The following TMEM67 variants were observed in gnomAD, a reference collection of about 807,000 sequenced individuals.
The protein encoded by TMEM67 is meckelin.
TMEM67 carries 124 observed loss-of-function variants against 136.6 expected under a neutral mutation model. The ratio of observed to expected loss-of-function variants is 0.91; its 90% CI spans 0.78 to 1.05. The LOEUF (loss-of-function observed/expected upper bound fraction) is 1.05. Ranked by LOEUF, TMEM67 falls within the 50% of genes least tolerant of loss-of-function variation. The pLI, the probability that TMEM67 is intolerant of heterozygous loss-of-function variation, is 0.00. For missense variants in TMEM67, 1,107 were observed against 1,178.4 expected (o/e 0.94, Z 0.89); for synonymous variants, 364 against 390.5 (o/e 0.93, Z 0.80).
At chr8:93,769,865 T>C (rs1055471235) in intron 6 of TMEM67, among the ~76,000 whole-genome samples, 22 of 152,334 alleles carry the variant, frequency 1.4e-4, no homozygotes, top group Middle Eastern at 3.4e-3. Flanking sequence ...TTCTTCCTAA[T>C]TGGAAAAGTC....
intron 25 of TMEM67, 111 bp downstream of exon 25, chr8:93,809,272 C>A (rs1808597068): frequency 4.1e-6 from 3 of 734,044 alleles, no homozygotes; most frequent in Non-Finnish European, 7.4e-6. Flanking sequence ...ACTTAGAACC[C>A]CCACCTTAAG....
rs1432702919 is a variant in TMEM67, at chr8:93,816,335, A to G, written c.2908-37A>G. 13 of 1,031,354 alleles carry G rather than the reference A, an allele frequency of 1.3e-5. No homozygotes were observed. In the East Asian group the frequency reaches 2.6e-4, roughly 21 times the overall value. The allele number at this position is 1,031,354 out of a possible 1,614,324, so 63.9% of individuals were successfully genotyped here. A position where few individuals can be genotyped will look rare whatever the true frequency, so the allele number is the denominator to read the frequency against. Reference sequence around the variant, plus strand: ...TCGACGTGCATATTTAATTCTGTTTATATTTCTTTTCATTCTGAATTGTTT... The same window carrying G: ...TCGACGTGCATATTTAATTCTGTTTGTATTTCTTTTCATTCTGAATTGTTT... On this transcript the variant is annotated intron_variant, in intron 27 of 27. Transcript: ENST00000453321.
At chr8:93,809,200 T>C (rs1181250283) in intron 25 of TMEM67, 39 bp downstream of exon 25, 1 of 1,254,124 alleles carries the variant, frequency 8.0e-7, no homozygotes, top group South Asian at 1.2e-5. Context: ...TGGGATCAAA[T>C]GCAATTTTTA....
rs73694953 is a variant in TMEM67, at chr8:93,787,967, T to C, written c.1518+18T>C. ...CTGTGAAGGTGAGTTCCTGACTTATTAGTGCCCTTGTATGTATAAATAGAG... is the reference window on the plus strand; with the variant it reads ...CTGTGAAGGTGAGTTCCTGACTTATCAGTGCCCTTGTATGTATAAATAGAG... On this transcript the variant is annotated intron_variant, in intron 14 of 27. Transcript: ENST00000453321. The C allele has an allele frequency of 3.4e-3, 5,362 of 1,555,762 alleles. 152 individuals are homozygous for C. The African/African-American group carries it at 0.062, about 18-fold the overall frequency.
chr8:93,788,047 T>G, intron 14 of TMEM67, 98 bp downstream of exon 14: 1 of 847,474 alleles, frequency 1.2e-6, no homozygotes, highest in South Asian at 1.5e-5. Context: ...TTTTTTTTTT[T>G]AAGTTCTAAA....
chr8:93,793,363 C>A, intron 16 of TMEM67, 67 bp downstream of exon 16: 1 of 1,305,372 alleles, frequency 7.7e-7, no homozygotes, highest in Non-Finnish European at 1.1e-6. Flanking sequence ...TCTCATAAGA[C>A]ACAGCTAGAG....
At chr8:93,777,665 G>C (rs1468838440) in intron 7 of TMEM67, among the ~76,000 whole-genome samples, 1 of 152,186 alleles carries the variant, frequency 6.6e-6, no homozygotes. Context: ...GTGTGGTTTT[G>C]AGTGAGTTTC....
intron 6 of TMEM67, among the ~76,000 whole-genome samples, chr8:93,770,913 G>T (rs1813299110): frequency 3.9e-5 from 6 of 151,936 alleles, no homozygotes; most frequent in Admixed American, 2.6e-4. Flanking sequence ...TACTCAGGAG[G>T]CTGAGGCAGG....
chr8:93,823,776 C>T (rs1457686760), downstream of TMEM67, among the ~76,000 whole-genome samples: 1 of 151,792 alleles, frequency 6.6e-6, no homozygotes, highest in Non-Finnish European at 1.5e-5. Context: ...AATTAAGTGC[C>T]TTATTCCATT....
intron 22 of TMEM67, 97 bp downstream of exon 22, chr8:93,803,781 G>A (rs1814975662): frequency 1.3e-6 from 1 of 769,424 alleles, no homozygotes; most frequent in Admixed American, 2.0e-5. Context: ...TGGTATGATT[G>A]AATTTTTGGG....
chr8:93,788,722 A>G (rs1314472562), intron 14 of TMEM67, among the ~76,000 whole-genome samples: 1 of 152,232 alleles, frequency 6.6e-6, no homozygotes, highest in Admixed American at 6.5e-5. Flanking sequence ...TATAACTAGT[A>G]TTGCTAACAT....
At chr8:93,801,359 T>A (rs1814861440) in intron 21 of TMEM67, among the ~76,000 whole-genome samples, 1 of 151,674 alleles carries the variant, frequency 6.6e-6, no homozygotes, top group South Asian at 2.1e-4. Context: ...CTCAGCCTCC[T>A]GATTAGCTGG....
In TMEM67 at chr8:93,818,007, G is replaced by A. The variant is rs1212485449; in HGVS notation, c.*1555G>A. On this transcript the variant is annotated 3_prime_UTR_variant, in exon 28 of 28. Transcript: ENST00000453321. The stretch of plus-strand genomic sequence containing the variant: ...TTAAGTATTAAATTTCACAATAAAG[G>A]ATCAATTGGCTTACTTGCTGATAAA... 6.6e-6 allele frequency: 1 copy of A among 152,134 alleles called. No individual in the cohort carries two copies. Among genetic ancestry groups the A allele is most frequent in the Non-Finnish European group, 1.5e-5 (1 of 68,018 alleles). 9.4% of individuals were successfully genotyped at this position (152,134 alleles called of 1,614,324 possible). A position where few individuals can be genotyped will look rare whatever the true frequency, so the allele number is the denominator to read the frequency against.
rs886038738 is a variant in TMEM67 at position 93,808,848 on chromosome 8, G to T, written c.2448G>T (p.Leu816Phe). The change falls in exon 24 of 28, where the codon TTG becomes TTT. Residue 816 changes from leucine to phenylalanine, a missense_variant. Leu to Phe is a conservative substitution (Grantham distance 22). Coordinates refer to ENST00000453321, the MANE Select transcript of TMEM67 (RefSeq NM_153704.6). ...NMNLKREAEN[L>F]CSQRGLVPNT... Reference sequence around the variant, plus strand: ...ATTCTTTAACTTTTCAGGAAAATTTGTGTAGCCAGAGAGGTTTGGTACCCA... The same window carrying T: ...ATTCTTTAACTTTTCAGGAAAATTTTTGTAGCCAGAGAGGTTTGGTACCCA... 1.2e-6 allele frequency: 2 copies of T among 1,605,104 alleles called. No homozygotes were observed. The highest frequency in any genetic ancestry group is 1.7e-6 in the Non-Finnish European group (2 of 1,172,520).
Position 93,780,632 on chromosome 8 carries a change from A to G in TMEM67, c.754A>G (p.Met252Val). 1.2e-6 allele frequency: 2 copies of G among 1,614,138 alleles called. No individual in the cohort carries two copies. Among genetic ancestry groups the G allele is most frequent in the South Asian group, 1.1e-5 (1 of 91,080 alleles). Residue 252 changes from methionine to valine, a missense_variant, in exon 8 of 28, where the codon ATG becomes GTG. Around this residue, in one of 3 missense-constraint regions of TMEM67, gnomAD observed 925 missense variants for 1,002.4 expected, o/e 0.92. Coordinates refer to ENST00000453321, the MANE Select transcript of TMEM67 (RefSeq NM_153704.6). ...AACATCTTGTCAAGCTCTTGGAAAT[A>G]TGTGTGTGATGAACATGAATTCTTA... ...NLTSCQALGN[M>V]CVMNMNSYDF...
At chr8:93,794,964 A>G (rs1228858033) in intron 16 of TMEM67, 1 of 188,782 alleles carries the variant, frequency 5.3e-6, no homozygotes, top group Non-Finnish European at 1.1e-5. Context: ...AGATGAGGCT[A>G]AAAAGTTAAT....
At chr8:93,772,466 T>C (rs993079484) in intron 6 of TMEM67, 123 bp from the exon 7 acceptor site, 2 of 724,826 alleles carry the variant, frequency 2.8e-6, no homozygotes, top group Non-Finnish European at 4.8e-6. Flanking sequence ...TCAATTCTTG[T>C]ATTCCTATTA....
chr8:93,797,402 A>G lies in TMEM67; in HGVS notation c.2032A>G (p.Asn678Asp). The change falls in exon 20 of 28, where the codon AAT becomes GAT. Residue 678 changes from asparagine (N) to aspartate (D), a missense_variant. Asn to Asp is a conservative substitution (Grantham distance 23). Transcript: ENST00000453321. ...WRTYFVANEW[N>D]EIQTVRKINS... is the part of the protein sequence containing the mutation. ...AACATATTTTGTAGCAAATGAATGG[A>G]ATGAAATTCAGACTGTGAGAAAAAT... is the stretch of plus-strand genomic sequence containing the variant. 2 of 1,614,002 alleles carry G rather than the reference A, an allele frequency of 1.2e-6. No individual in the cohort carries two copies. The highest frequency in any genetic ancestry group is 1.7e-6 in the Non-Finnish European group (2 of 1,179,872).
At chr8:93,786,466 A>G in intron 13 of TMEM67, 120 bp downstream of exon 13, 1 of 1,161,984 alleles carries the variant, frequency 8.6e-7, no homozygotes, top group Non-Finnish European at 1.3e-6. Context: ...GGGTTATTTT[A>G]GGTGTATGTG....
Sources: allele counts gnomAD v4.1 joint callset (sites outside exome capture counted in the v4.1 genomes callset), GRCh38; gene constraint gnomAD v4.1.1; regional missense constraint gnomAD v4.1.1; transcripts MANE v1.5; gene names NCBI Gene and HGNC (gene_info 2026-07-23, HGNC 2026-07-21).